The following FAT2 variants were observed in gnomAD, a reference collection of about 807,000 sequenced individuals.
The protein encoded by FAT2 is protocadherin Fat 2.
FAT2 carries 150 observed loss-of-function variants against 295.3 expected under a neutral mutation model. The ratio of observed to expected loss-of-function variants is 0.51; its 90% CI spans 0.44 to 0.58. FAT2 has a LOEUF of 0.58. Ranked by LOEUF, FAT2 falls within the 20% of genes least tolerant of loss-of-function variation. The pLI, the probability that FAT2 is intolerant of heterozygous loss-of-function variation, is 0.00. For missense variants in FAT2, 4,868 were observed against 5,442.7 expected, an observed-to-expected ratio of 0.89 and a Z score of 3.32; for synonymous variants, 2,026 against 2,150.3, an observed-to-expected ratio of 0.94 and a Z score of 1.60.
chr5:151,545,507 C>T lies in FAT2; in HGVS notation c.5620G>A (p.Glu1874Lys), dbSNP rs751044379. 1.2e-6 allele frequency: 2 copies of T among 1,614,042 alleles called. No individual in the cohort carries two copies. The highest frequency in any genetic ancestry group is 1.7e-5 in the Admixed American group (1 of 60,002). ...ACTATTGCTACCTCATATATCTGTTCTGAGAATCTGGGAGGGGAATCATTC... is the reference window on the plus strand; with the variant it reads ...ACTATTGCTACCTCATATATCTGTTTTGAGAATCTGGGAGGGGAATCATTC... ...DVNDSPPRFSEQIYEVAIVGP... is the reference protein window; with the variant it reads ...DVNDSPPRFSKQIYEVAIVGP... The change falls in exon 10 of 24, where the codon GAA becomes AAA. Residue 1874 changes from glutamate (E) to lysine (K), a missense_variant. Around this residue, in one of 5 missense-constraint regions of FAT2, gnomAD observed 3,297 missense variants for 3,669.4 expected, o/e 0.90. Coordinates refer to ENST00000261800, the MANE Select transcript of FAT2 (RefSeq NM_001447.3).
intron 10 of FAT2, among the ~76,000 whole-genome samples, chr5:151,541,197 CTG>C (rs1273018404): frequency 1.3e-5 from 2 of 152,202 alleles, no homozygotes; most frequent in Non-Finnish European, 2.9e-5. Flanking sequence ...AGTGGAGGTT[CTG>C]TAGGAGCACT....
rs1003917130 is a variant in FAT2 at position 151,512,867 on chromosome 5, A to T, written c.11464-261T>A. 5.9e-6 allele frequency: 3 copies of T among 510,028 alleles called. No homozygotes were observed. Among genetic ancestry groups the T allele is most frequent in the Admixed American group, 6.6e-5 (2 of 30,136 alleles). 31.6% of individuals were successfully genotyped at this position (510,028 alleles called of 1,614,324 possible). A position where few individuals can be genotyped will look rare whatever the true frequency, so the allele number is the denominator to read the frequency against. On this transcript the variant is annotated intron_variant, in intron 20 of 23. Transcript: ENST00000261800. This position sits in a 1 kb window ranked among gnomAD's most constrained non-coding sequence, Gnocchi z 4.1. ...TTCACAGATGAGGAAACTGAGGCCG[A>T]GAGATGCTTTGCTGATCAAGACCCT...
chr5:151,517,539 C>T, intron 20 of FAT2, 81 bp downstream of exon 20: 2 of 1,544,832 alleles, frequency 1.3e-6, no homozygotes, highest in Non-Finnish European at 1.8e-6. Flanking sequence ...AAATGGGCTT[C>T]CTGACATTCC....
In FAT2 at chr5:151,505,829, G is replaced by A. The variant is rs1760807447; in HGVS notation, c.12786C>T (p.Arg4262=). The A allele has an allele frequency of 6.2e-7, 1 of 1,613,268 alleles. No homozygotes were observed. Among genetic ancestry groups the A allele is most frequent in the Middle Eastern group, 1.7e-4 (1 of 6,054 alleles). Residue 4262 remains arginine, a synonymous_variant, in exon 24 of 24, where the codon CGC becomes CGT. Transcript: ENST00000261800. Reference sequence around the variant, plus strand: ...ACTCATTGAGACAGGGGGCAACCAGGCGCTCCCGGGGACTAGGGGGCCGAG... The same window carrying A: ...ACTCATTGAGACAGGGGGCAACCAGACGCTCCCGGGGACTAGGGGGCCGAG... ...MPSRPPSPRE[R]LVAPCLNEYT... is the part of the protein sequence containing the mutation.
intron 22 of FAT2, chr5:151,509,381 C>T (rs1187031523): frequency 2.0e-5 from 3 of 152,336 alleles, no homozygotes; most frequent in African/African-American, 7.2e-5. Context: ...GACACCCTAA[C>T]ACAATGGTCC....
At chr5:151,583,932 A>G (rs1441960556) in intron 1 of FAT2, among the ~76,000 whole-genome samples, 2 of 126,400 alleles carry the variant, frequency 1.6e-5, no homozygotes, top group Non-Finnish European at 3.1e-5. Flanking sequence ...TCGGAGGCAG[A>G]GGTTGCAGTG....
intron 1 of FAT2, among the ~76,000 whole-genome samples, chr5:151,579,249 A>G (rs950157531): frequency 2.0e-5 from 3 of 152,176 alleles, no homozygotes; most frequent in Non-Finnish European, 4.4e-5. Flanking sequence ...CTAAGAGAAT[A>G]CATTTGAAAT....
chr5:151,578,092 T>C (rs963488241), intron 1 of FAT2, among the ~76,000 whole-genome samples: 2 of 151,142 alleles, frequency 1.3e-5, no homozygotes, highest in Non-Finnish European at 1.5e-5. Flanking sequence ...CATTAGAAGC[T>C]CTAAACGCAG....
intron 2 of FAT2, among the ~76,000 whole-genome samples, chr5:151,564,236 G>T (rs948448160): frequency 6.6e-6 from 1 of 152,222 alleles, no homozygotes; most frequent in Non-Finnish European, 1.5e-5. Flanking sequence ...AAGTTCTCAT[G>T]GATCATGCTG....
chr5:151,531,901 G>A lies in FAT2; in HGVS notation c.9497C>T (p.Thr3166Met), dbSNP rs148189364. The change falls in exon 14 of 24, where the codon ACG becomes ATG. Residue 3166 changes from threonine (T) to methionine (M), a missense_variant. Physicochemically the swap from Thr to Met is moderately conservative, Grantham distance 81. Coordinates refer to ENST00000261800, the MANE Select transcript of FAT2 (RefSeq NM_001447.3). This position sits in a 1 kb window ranked among gnomAD's most constrained non-coding sequence, Gnocchi z 5.7. ...AEGHFSIDAT[T>M]GVIRLEKPLQ... ...CGGCTTTTCCAGGCGGATCACCCCC[G>A]TGGTGGCGTCGATGGAAAAGTGGCC... 68 of 1,614,218 alleles carry A rather than the reference G, an allele frequency of 4.2e-5. No homozygotes were observed. In the African/African-American group the frequency reaches 5.2e-4, roughly 12 times the overall value.
chr5:151,575,604 T>C (rs1039709715), intron 1 of FAT2, among the ~76,000 whole-genome samples: 3 of 152,248 alleles, frequency 2.0e-5, no homozygotes, highest in Non-Finnish European at 4.4e-5. Context: ...TCATCTGTCC[T>C]ATGACATTCA....
intron 4 of FAT2, chr5:151,556,129 G>A: frequency 1.7e-6 from 1 of 576,712 alleles, no homozygotes; most frequent in Non-Finnish European, 3.1e-6. Context: ...TCAATCAATG[G>A]TGCCTACCCA....
intron 10 of FAT2, among the ~76,000 whole-genome samples, chr5:151,541,579 G>A (rs1756151175): frequency 6.6e-6 from 1 of 152,168 alleles, no homozygotes; most frequent in African/African-American, 2.4e-5. Flanking sequence ...CATGGCACCT[G>A]GGGATGAGAA....
chr5:151,531,457 T>C lies in FAT2; in HGVS notation c.9811+130A>G, dbSNP rs1467671226. 1 of 1,259,144 alleles carries C rather than the reference T, an allele frequency of 7.9e-7. No homozygotes were observed. Among genetic ancestry groups the C allele is most frequent in the Non-Finnish European group, 1.1e-6 (1 of 917,124 alleles). 78.0% of individuals were successfully genotyped at this position (1,259,144 alleles called of 1,614,324 possible). ...GTACTCGGAGAGAAGCAGAAGAGAA[T>C]GGAGAAACGACCAGAGGAGGTCTGC... On this transcript the variant is annotated intron_variant, in intron 14 of 23. Transcript: ENST00000261800. The surrounding 1 kb of genome is among the most constrained non-coding windows in gnomAD (Gnocchi z 5.7).
At chr5:151,506,238 T>C in intron 23 of FAT2, 141 bp from the exon 24 acceptor site, 1 of 812,130 alleles carries the variant, frequency 1.2e-6, no homozygotes, top group Non-Finnish European at 1.7e-6. Context: ...GTTGTCTCTG[T>C]TGGCTTACGT....
intron 2 of FAT2, among the ~76,000 whole-genome samples, chr5:151,564,413 C>T (rs1161887780): frequency 1.3e-5 from 2 of 152,336 alleles, no homozygotes; most frequent in East Asian, 3.9e-4. Context: ...ATCTAATGCT[C>T]TTTCTAATTA....
chr5:151,564,207 T>C (rs977586400), intron 2 of FAT2, among the ~76,000 whole-genome samples: 1 of 152,112 alleles, frequency 6.6e-6, no homozygotes, highest in African/African-American at 2.4e-5. Context: ...CAAGAATGAG[T>C]AAAAGAAGCT....
At chr5:151,522,431 T>C (rs1753568100) in intron 18 of FAT2, among the ~76,000 whole-genome samples, 1 of 152,208 alleles carries the variant, frequency 6.6e-6, no homozygotes, top group Non-Finnish European at 1.5e-5. Context: ...ATTCTGTCCC[T>C]GTCCTCAAGG....
rs1455958377 is a variant in FAT2, at chr5:151,543,225, A to G, written c.7902T>C (p.Ile2634=). 1 of 1,614,012 alleles carries G rather than the reference A, an allele frequency of 6.2e-7. No individual in the cohort carries two copies. The highest frequency in any genetic ancestry group is 1.3e-5 in the African/African-American group (1 of 74,896). ...VNPEDLVKDV[I]EINPVTGVVK... ...CCACACCAGTGACTGGGTTAATTTC[A>G]ATGACATCTTTAACTAGGTCCTCTG... The change falls in exon 10 of 24, where the codon ATT becomes ATC. Residue 2634 remains isoleucine, a synonymous_variant. Transcript: ENST00000261800.
Sources: gnomAD v4.1 joint callset for allele counts (sites outside exome capture counted in the v4.1 genomes callset) on GRCh38, gnomAD v4.1.1 for gene constraint, gnomAD v4.1.1 regional missense constraint, Gnocchi (gnomAD v3.1) non-coding constraint, MANE v1.5 for transcripts, NCBI Gene and HGNC (gene_info 2026-07-23, HGNC 2026-07-21) for gene names.